CTNND2: variants seen among roughly 807,000 people sequenced by gnomAD.
CTNND2 encodes the protein catenin delta-2.
Under a neutral mutation model 144.4 loss-of-function variants are expected in CTNND2, and 22 were observed. That is an observed-to-expected ratio of 0.15 (90% CI 0.11 to 0.22). The LOEUF (loss-of-function observed/expected upper bound fraction) is 0.22. Ranked by LOEUF, CTNND2 falls within the 10% of genes least tolerant of loss-of-function variation. CTNND2 has a pLI of 1.00. For missense variants in CTNND2, 1,353 were observed against 1,618.8 expected, an observed-to-expected ratio of 0.84 and a Z score of 2.82; for synonymous variants, 751 against 695.6, an observed-to-expected ratio of 1.08 and a Z score of -1.25.
chr5:11,053,898 G>A (rs1283620268), intron 16 of CTNND2, among the ~76,000 whole-genome samples: 1 of 152,230 alleles, frequency 6.6e-6, no homozygotes, highest in Non-Finnish European at 1.5e-5. Flanking sequence ...GAATGCAGAT[G>A]TGATGACCAA....
At chr5:11,007,117 G>A (rs1354058660) in intron 18 of CTNND2, among the ~76,000 whole-genome samples, 1 of 152,172 alleles carries the variant, frequency 6.6e-6, no homozygotes, top group Non-Finnish European at 1.5e-5. Flanking sequence ...ACCTAGAAGG[G>A]AGCAGATGAT....
chr5:11,020,177 T>C, intron 17 of CTNND2, among the ~76,000 whole-genome samples: 1 of 152,136 alleles, frequency 6.6e-6, no homozygotes, highest in Non-Finnish European at 1.5e-5. Context: ...TCTGATAGAC[T>C]GTGATTGGCA....
At chr5:11,475,386 C>A (rs1460424681) in intron 3 of CTNND2, among the ~76,000 whole-genome samples, 2 of 152,192 alleles carry the variant, frequency 1.3e-5, no homozygotes, top group African/African-American at 2.4e-5. Context: ...CAATTAATGG[C>A]ATAAGAGTTC....
chr5:11,738,630 T>C (rs369712895), intron 1 of CTNND2, among the ~76,000 whole-genome samples: 9 of 152,230 alleles, frequency 5.9e-5, no homozygotes, highest in South Asian at 2.1e-4. Flanking sequence ...TGTTCTTTCT[T>C]TAGTCACTTT....
chr5:10,978,034 C>G (rs1211355935), intron 21 of CTNND2, among the ~76,000 whole-genome samples: 1 of 152,222 alleles, frequency 6.6e-6, no homozygotes, highest in Non-Finnish European at 1.5e-5. Context: ...AGCTCAGTCA[C>G]TACCCAGTGT....
intron 7 of CTNND2, among the ~76,000 whole-genome samples, chr5:11,374,775 C>CTTTTTTTTT (rs56327510): frequency 1.0e-5 from 1 of 99,380 alleles, no homozygotes; most frequent in Non-Finnish European, 2.1e-5. Context: ...TCCCAATCTA[C>CTTTTTTTTT]TTTTTTTTTT....
intron 3 of CTNND2, among the ~76,000 whole-genome samples, chr5:11,455,731 GA>G (rs1386572886): frequency 1.3e-5 from 2 of 151,948 alleles, no homozygotes; most frequent in Non-Finnish European, 2.9e-5. Flanking sequence ...AGAAGTGGAT[GA>G]AAAAAGATGA....
chr5:11,004,301 C>G (rs1198163761), intron 18 of CTNND2, among the ~76,000 whole-genome samples: 1 of 152,228 alleles, frequency 6.6e-6, no homozygotes, highest in Non-Finnish European at 1.5e-5. Context: ...CAGGATAAAA[C>G]TGAACAGTCC....
chr5:11,021,259 C>T (rs1320293624), intron 17 of CTNND2, among the ~76,000 whole-genome samples: 1 of 152,162 alleles, frequency 6.6e-6, no homozygotes. Context: ...TCAAAGCTCT[C>T]TAACTGTATA....
intron 9 of CTNND2, among the ~76,000 whole-genome samples, chr5:11,306,036 T>C (rs1750162168): frequency 6.6e-6 from 1 of 152,224 alleles, no homozygotes; most frequent in Non-Finnish European, 1.5e-5. Context: ...TTGAAGACTT[T>C]ATACTTGTTC....
chr5:11,382,835 C>T (rs997190048), intron 7 of CTNND2, among the ~76,000 whole-genome samples: 11 of 152,146 alleles, frequency 7.2e-5, no homozygotes, highest in Admixed American at 2.0e-4. Flanking sequence ...ATCAAGCACA[C>T]GAAATCAGGC....
chr5:11,137,160 T>C (rs1756238952), intron 12 of CTNND2, among the ~76,000 whole-genome samples: 2 of 152,236 alleles, frequency 1.3e-5, no homozygotes, highest in South Asian at 2.1e-4. Flanking sequence ...ATAAATAACA[T>C]ACTTATTCCA....
chr5:11,031,589 T>A (rs892569618), intron 16 of CTNND2, among the ~76,000 whole-genome samples: 1 of 151,874 alleles, frequency 6.6e-6, no homozygotes, highest in Non-Finnish European at 1.5e-5. Flanking sequence ...GCTGGTAAAG[T>A]AGTGTTTCTG....
At chr5:11,222,420 C>T (rs748057798) in intron 10 of CTNND2, among the ~76,000 whole-genome samples, 10 of 152,278 alleles carry the variant, frequency 6.6e-5, no homozygotes, top group African/African-American at 1.2e-4. Context: ...AGTCTTGCCT[C>T]GCTGCAGGGT....
chr5:11,394,532 A>G (rs1175540957), intron 6 of CTNND2, among the ~76,000 whole-genome samples: 1 of 152,198 alleles, frequency 6.6e-6, no homozygotes, highest in Non-Finnish European at 1.5e-5. Context: ...ACTTTCTAGA[A>G]TGGCCTTGGG....
At chr5:11,590,080 C>G (rs1360175464) in intron 2 of CTNND2, among the ~76,000 whole-genome samples, 8 of 145,654 alleles carry the variant, frequency 5.5e-5, no homozygotes, top group African/African-American at 1.5e-4. Context: ...GAATCTTGCT[C>G]TGTTCCCCAG....
chr5:11,275,876 C>T (rs537675854), intron 9 of CTNND2, among the ~76,000 whole-genome samples: 1 of 152,286 alleles, frequency 6.6e-6, no homozygotes, highest in East Asian at 1.9e-4. Context: ...GATTTAATGC[C>T]AGCCAGAGAA....
At chr5:11,573,625 G>A (rs569080034) in intron 2 of CTNND2, among the ~76,000 whole-genome samples, 20 of 152,146 alleles carry the variant, frequency 1.3e-4, no homozygotes, top group Non-Finnish European at 2.5e-4. Flanking sequence ...TGGTGAGTCA[G>A]AAACTGTGGC....
At chr5:11,886,628 T>A (rs938649511) in intron 1 of CTNND2, among the ~76,000 whole-genome samples, 1 of 152,268 alleles carries the variant, frequency 6.6e-6, no homozygotes, top group African/African-American at 2.4e-5. Context: ...AAAGTAGGCA[T>A]CTTGTATTTA....
Sources: gnomAD v4.1 joint callset for allele counts (sites outside exome capture counted in the v4.1 genomes callset) on GRCh38, gnomAD v4.1.1 for gene constraint, MANE v1.5 for transcripts, NCBI Gene and HGNC (gene_info 2026-07-23, HGNC 2026-07-21) for gene names.